Variants in TWIST2 observed in about 807,000 individuals in gnomAD.
The protein encoded by TWIST2 is twist-related protein 2.
In TWIST2, 1 loss-of-function variant was observed where a neutral mutation model predicts 11.6. The ratio of observed to expected loss-of-function variants is 0.09; its 90% confidence interval spans 0.03 to 0.41. TWIST2 has a LOEUF of 0.41. Ranked by LOEUF, TWIST2 falls within the 10% of genes least tolerant of loss-of-function variation. The pLI is 0.98. For synonymous variants in TWIST2, 87 were observed against 96.6 expected (o/e 0.90, Z 0.58); for missense variants, 168 against 226.4 (o/e 0.74, Z 1.66).
chr2:238,852,235 A>T (rs556254755), intron 1 of TWIST2, among the ~76,000 whole-genome samples: 98 of 152,348 alleles, frequency 6.4e-4, no homozygotes, highest in African/African-American at 2.2e-3. Flanking sequence ...TAAAAAAAAC[A>T]AATATTTTAA....
chr2:238,873,737 C>T (rs1050499035), intron 1 of TWIST2, among the ~76,000 whole-genome samples: 2 of 152,140 alleles, frequency 1.3e-5, no homozygotes, highest in African/African-American at 2.4e-5. Flanking sequence ...CCGAGAGTCA[C>T]GCTGGTCTTG....
intron 1 of TWIST2, among the ~76,000 whole-genome samples, chr2:238,876,190 C>T (rs1692802766): frequency 6.6e-6 from 1 of 152,200 alleles, no homozygotes; most frequent in African/African-American, 2.4e-5. Flanking sequence ...AACGGCTGAA[C>T]CTCACTAGAG....
chr2:238,852,668 C>CACGCACAT (rs1553565885), intron 1 of TWIST2, among the ~76,000 whole-genome samples: 54 of 141,514 alleles, frequency 3.8e-4, no homozygotes, highest in African/African-American at 8.9e-4. Context: ...CACACACACA[C>CACGCACAT]GCACATGCAC....
At chr2:238,851,065 A>G (rs1692232718) in intron 1 of TWIST2, among the ~76,000 whole-genome samples, 1 of 152,238 alleles carries the variant, frequency 6.6e-6, no homozygotes, top group African/African-American at 2.4e-5. Context: ...TATTTGTAGC[A>G]TTTCTAAGAA....
At chr2:238,874,560 G>A (rs535536996) in intron 1 of TWIST2, among the ~76,000 whole-genome samples, 11 of 152,236 alleles carry the variant, frequency 7.2e-5, no homozygotes, top group African/African-American at 2.2e-4. Context: ...GGTGAATGCC[G>A]GTCTGCACCA....
chr2:238,880,905 G>GTGTT (rs1692911326), intron 1 of TWIST2, among the ~76,000 whole-genome samples: 1 of 99,144 alleles, frequency 1.0e-5, no homozygotes, highest in Non-Finnish European at 2.0e-5. Context: ...ATTATTATTA[G>GTGTT]TGTTAGTGTC....
intron 1 of TWIST2, among the ~76,000 whole-genome samples, chr2:238,898,797 C>T (rs959921961): frequency 1.3e-4 from 20 of 152,212 alleles, no homozygotes; most frequent in African/African-American, 3.6e-4. Flanking sequence ...GGGGAGGCCC[C>T]GGGAGAAGTT....
chr2:238,886,283 C>G, intron 1 of TWIST2, among the ~76,000 whole-genome samples: 1 of 152,086 alleles, frequency 6.6e-6, no homozygotes, highest in South Asian at 2.1e-4. Flanking sequence ...CAGGGCAGAG[C>G]TCTTCTTAGT....
chr2:238,893,307 C>T (rs1693170087), intron 1 of TWIST2, among the ~76,000 whole-genome samples: 1 of 40,810 alleles, frequency 2.5e-5, no homozygotes, highest in African/African-American at 6.0e-5. Context: ...ATTTTAAAAA[C>T]GGCCTATTTT....
intron 1 of TWIST2, among the ~76,000 whole-genome samples, chr2:238,895,347 T>A (rs1157183809): frequency 2.0e-5 from 3 of 152,248 alleles, no homozygotes; most frequent in African/African-American, 4.8e-5. Context: ...ATTCTCTCCA[T>A]GTCTGAAAAG....
At chr2:238,858,208 G>T (rs775390733) in intron 1 of TWIST2, among the ~76,000 whole-genome samples, 2 of 152,182 alleles carry the variant, frequency 1.3e-5, no homozygotes, top group African/African-American at 4.8e-5. Context: ...CTCCCTGGGC[G>T]CATCCACCGG....
At chr2:238,909,424 C>CT (rs1694889254) in intron 1 of TWIST2, among the ~76,000 whole-genome samples, 2 of 152,144 alleles carry the variant, frequency 1.3e-5, no homozygotes, top group African/African-American at 4.8e-5. Flanking sequence ...TGCCCGAAAC[C>CT]CCACAGCTCC....
At chr2:238,893,280 C>T (rs1196551858) in intron 1 of TWIST2, among the ~76,000 whole-genome samples, 4 of 150,452 alleles carry the variant, frequency 2.7e-5, no homozygotes, top group Non-Finnish European at 5.9e-5. Flanking sequence ...TAGAGTTACT[C>T]TTGTACACAG....
At position 238,870,183 on chromosome 2, in the gene TWIST2, CACATCACAT is replaced by C. The variant is rs1330930643; in HGVS notation, c.*35+21453_*35+21461del. ...CCACACACACCACACACCCCACACA[CACATCACAT>C]ACCACACACAAACCACACACCCCAC... On this transcript the variant is annotated intron_variant, in intron 1 of 1. Coordinates refer to ENST00000612363, the MANE Select transcript of TWIST2 (RefSeq NM_001271893.4). Among the ~76,000 whole-genome samples, 20 of 66,112 alleles carry C rather than the reference CACATCACAT, an allele frequency of 3.0e-4. 1 individual carries two copies. The highest frequency in any genetic ancestry group is 5.5e-4 in the South Asian group (1 of 1,818). 43.4% of individuals were successfully genotyped at this position (66,112 alleles called of 152,430 possible). A position where few individuals can be genotyped will look rare whatever the true frequency, so the allele number is the denominator to read the frequency against.
chr2:238,868,289 G>T (rs892540576), intron 1 of TWIST2, among the ~76,000 whole-genome samples: 2 of 152,200 alleles, frequency 1.3e-5, no homozygotes, highest in East Asian at 3.9e-4. Flanking sequence ...TGAGCTCCAG[G>T]TCTCAAACCT....
rs1449943056 is a variant in TWIST2, at chr2:238,866,755, G to C, written c.*35+18022G>C. ...CTTGTGCCCGACAGGACTACCTCCA[G>C]TGTCCCCTCCTTGGGGAGCCTCTAA... On this transcript the variant is annotated intron_variant, in intron 1 of 1. Coordinates refer to ENST00000612363, the MANE Select transcript of TWIST2 (RefSeq NM_001271893.4). This position sits in a 1 kb window ranked among gnomAD's most constrained non-coding sequence, Gnocchi z 4.9. Among the ~76,000 whole-genome samples, 1 of 152,170 alleles carries C rather than the reference G, an allele frequency of 6.6e-6. No homozygotes were observed. Among genetic ancestry groups the C allele is most frequent in the African/African-American group, 2.4e-5 (1 of 41,442 alleles).
chr2:238,896,814 G>C (rs1574767477), intron 1 of TWIST2, among the ~76,000 whole-genome samples: 1 of 152,168 alleles, frequency 6.6e-6, no homozygotes, highest in African/African-American at 2.4e-5. Context: ...CCATGGGCAC[G>C]TGGTGGCCTC....
At chr2:238,862,265 T>C (rs1221432268) in intron 1 of TWIST2, among the ~76,000 whole-genome samples, 1 of 152,188 alleles carries the variant, frequency 6.6e-6, no homozygotes, top group Admixed American at 6.5e-5. Flanking sequence ...ATTGTAAACT[T>C]TTATATACCA....
chr2:238,902,282 G>A (rs1693276602), intron 1 of TWIST2, among the ~76,000 whole-genome samples: 1 of 151,290 alleles, frequency 6.6e-6, no homozygotes. Context: ...TGTGTGATGG[G>A]GTATGTGTGA....
Sources: allele counts gnomAD v4.1 joint callset (sites outside exome capture counted in the v4.1 genomes callset), GRCh38; gene constraint gnomAD v4.1.1; non-coding constraint Gnocchi (gnomAD v3.1); transcripts MANE v1.5; gene names NCBI Gene and HGNC (gene_info 2026-07-23, HGNC 2026-07-21).